The following ZNF148 variants were observed in gnomAD, a reference collection of about 807,000 sequenced individuals.
The protein encoded by ZNF148 is Beta-Enolase Repressor Factor-1.
ZNF148 carries 7 observed loss-of-function variants against 67.7 expected under a neutral mutation model. The ratio of observed to expected loss-of-function variants is 0.10; its 90% CI spans 0.06 to 0.19. The LOEUF (loss-of-function observed/expected upper bound fraction) is 0.19. Ranked by LOEUF, ZNF148 falls within the 10% of genes least tolerant of loss-of-function variation. ZNF148 has a pLI of 1.00. For missense variants in ZNF148, 583 were observed against 947.1 expected (o/e 0.62, Z 5.05); for synonymous variants, 333 against 330.7 (o/e 1.01, Z -0.08).
intron 2 of ZNF148, among the ~76,000 whole-genome samples, chr3:125,324,932 T>C (rs1036120606): frequency 6.6e-6 from 1 of 152,196 alleles, no homozygotes; most frequent in Non-Finnish European, 1.5e-5. Flanking sequence ...GATACACTTT[T>C]GTGCAAAGTA....
intron 4 of ZNF148, among the ~76,000 whole-genome samples, chr3:125,300,768 T>C (rs1307144539): frequency 7.6e-6 from 1 of 131,352 alleles, no homozygotes; most frequent in Non-Finnish European, 1.6e-5. Flanking sequence ...TACAAAGCAA[T>C]AGTTTTCTAG....
chr3:125,267,500 C>T (rs772942818), intron 7 of ZNF148, among the ~76,000 whole-genome samples: 3 of 152,074 alleles, frequency 2.0e-5, no homozygotes, highest in African/African-American at 4.8e-5. Flanking sequence ...TCAATAGACA[C>T]AGAAACAGCT....
chr3:125,316,988 G>C (rs1406551468), intron 3 of ZNF148, among the ~76,000 whole-genome samples: 1 of 152,192 alleles, frequency 6.6e-6, no homozygotes, highest in Non-Finnish European at 1.5e-5. Context: ...CTTGGAACAG[G>C]AAGAGAGCAC....
In ZNF148 at chr3:125,226,318, G is replaced by A. The variant is rs1014806488; in HGVS notation, c.*6023C>T. ...CATGATTTTTGCATATTTACCATTC[G>A]TTATTTGGTTCAGAATATTGTGAAA... On this transcript the variant is annotated 3_prime_UTR_variant, in exon 9 of 9. Transcript: ENST00000360647. 6.6e-5 allele frequency: 10 copies of A among 152,200 alleles called. No individual in the cohort carries two copies. Among genetic ancestry groups the A allele is most frequent in the South Asian group, 6.2e-4 (3 of 4,818 alleles). The allele number at this position is 152,200 out of a possible 1,614,324, so 9.4% of individuals were successfully genotyped here. A position where few individuals can be genotyped will look rare whatever the true frequency, so the allele number is the denominator to read the frequency against.
chr3:125,246,559 ATTAAT>A (rs1936608873), intron 7 of ZNF148, among the ~76,000 whole-genome samples: 1 of 152,204 alleles, frequency 6.6e-6, no homozygotes, highest in East Asian at 1.9e-4. Flanking sequence ...AAATGAGATA[ATTAAT>A]GTGAAGTAGG....
chr3:125,254,221 G>A (rs1321566358), intron 7 of ZNF148, among the ~76,000 whole-genome samples: 1 of 151,954 alleles, frequency 6.6e-6, no homozygotes, highest in Admixed American at 6.6e-5. Flanking sequence ...TCTAAGTGAT[G>A]TACACATTTA....
intron 1 of ZNF148, among the ~76,000 whole-genome samples, chr3:125,371,445 T>C (rs1450886786): frequency 1.4e-5 from 2 of 142,984 alleles, no homozygotes; most frequent in East Asian, 4.4e-4. Flanking sequence ...AGCGGACAGA[T>C]CATGAGGTCA....
At position 125,231,634 on chromosome 3, in the gene ZNF148, T is replaced by G. The variant is rs978085694; in HGVS notation, c.*707A>C. The G allele has an allele frequency of 2.0e-5, 3 of 152,548 alleles. No individual in the cohort carries two copies. The highest frequency in any genetic ancestry group is 4.4e-5 in the Non-Finnish European group (3 of 67,988). The allele number at this position is 152,548 out of a possible 1,614,324, so 9.4% of individuals were successfully genotyped here. On this transcript the variant is annotated 3_prime_UTR_variant, in exon 9 of 9. Transcript: ENST00000360647. ...ACTGACACCAATATGCATACTTCCA[T>G]AGAGAAGTGACTGCTTCAACAGTTG...
chr3:125,328,616 A>G (rs1195470839), intron 2 of ZNF148, among the ~76,000 whole-genome samples: 4 of 151,944 alleles, frequency 2.6e-5, no homozygotes, highest in Admixed American at 6.5e-5. Context: ...TTATACCCTC[A>G]TAAGTATATA....
intron 1 of ZNF148, among the ~76,000 whole-genome samples, chr3:125,331,587 A>T (rs1322222209): frequency 1.3e-5 from 2 of 152,196 alleles, no homozygotes; most frequent in African/African-American, 4.8e-5. Context: ...GTTTCACTAA[A>T]ATCATATTTT....
chr3:125,307,270 CAGA>C (rs967924328), intron 4 of ZNF148, among the ~76,000 whole-genome samples: 8 of 151,712 alleles, frequency 5.3e-5, no homozygotes, highest in East Asian at 3.9e-4. Context: ...TCAATCGATG[CAGA>C]AGAAGTACTT....
intron 4 of ZNF148, among the ~76,000 whole-genome samples, chr3:125,293,322 A>G (rs985810682): frequency 3.9e-5 from 6 of 152,236 alleles, no homozygotes; most frequent in Non-Finnish European, 8.8e-5. Context: ...CAATATAAAG[A>G]AATTACTATA....
intron 1 of ZNF148, among the ~76,000 whole-genome samples, chr3:125,365,849 A>C (rs1942686191): frequency 6.6e-6 from 1 of 152,152 alleles, no homozygotes; most frequent in Non-Finnish European, 1.5e-5. Flanking sequence ...ATAAATAAAT[A>C]GCATATTTCT....
Position 125,225,683 on chromosome 3 carries a change from ATTT to A in ZNF148, c.*6655_*6657del, listed in dbSNP as rs1488824725. 1 of 152,160 alleles carries A rather than the reference ATTT, an allele frequency of 6.6e-6. No homozygotes were observed. The highest frequency in any genetic ancestry group is 1.9e-4 in the East Asian group (1 of 5,204). The allele number at this position is 152,160 out of a possible 1,614,324, so 9.4% of individuals were successfully genotyped here. A position where few individuals can be genotyped will look rare whatever the true frequency, so the allele number is the denominator to read the frequency against. ...CAACACATTAATTCAAGTGACTTCA[ATTT>A]TTTATTTTTTCTTATAATCTTTAGA... On this transcript the variant is annotated 3_prime_UTR_variant, in exon 9 of 9. Coordinates refer to ENST00000360647, the MANE Select transcript of ZNF148 (RefSeq NM_021964.3).
At chr3:125,275,569 C>G (rs1454802723) in intron 7 of ZNF148, among the ~76,000 whole-genome samples, 2 of 152,110 alleles carry the variant, frequency 1.3e-5, no homozygotes, top group African/African-American at 4.8e-5. Flanking sequence ...TTCTTACTAC[C>G]TCCTCATCTA....
intron 4 of ZNF148, among the ~76,000 whole-genome samples, chr3:125,305,037 T>C (rs1051265410): frequency 2.0e-5 from 3 of 152,186 alleles, no homozygotes; most frequent in Non-Finnish European, 4.4e-5. Context: ...ATTAAAATAA[T>C]CACAGTAATA....
intron 8 of ZNF148, 96 bp from the exon 9 acceptor site, chr3:125,234,035 A>AT: frequency 7.1e-7 from 1 of 1,408,506 alleles, no homozygotes; most frequent in Non-Finnish European, 9.5e-7. Context: ...AGATATATTA[A>AT]TGCAATAACA....
In ZNF148 at chr3:125,229,595, G is replaced by A. The variant is rs759873697; in HGVS notation, c.*2746C>T. The A allele has an allele frequency of 6.6e-6, 1 of 152,134 alleles. No homozygotes were observed. Among genetic ancestry groups the A allele is most frequent in the Non-Finnish European group, 1.5e-5 (1 of 68,012 alleles). The allele number at this position is 152,134 out of a possible 1,614,324, so 9.4% of individuals were successfully genotyped here. On this transcript the variant is annotated 3_prime_UTR_variant, in exon 9 of 9. Transcript: ENST00000360647. Reference sequence around the variant, plus strand: ...TGTTTCCAATCTTCAAACGTGAGTAGGTCCCAAGAGGAAAAGCACACCTCA... The same window carrying A: ...TGTTTCCAATCTTCAAACGTGAGTAAGTCCCAAGAGGAAAAGCACACCTCA...
rs181788446 is a variant in ZNF148, at chr3:125,313,237, C to T, written c.333+71G>A. On this transcript the variant is annotated intron_variant, in intron 4 of 8. Coordinates refer to ENST00000360647, the MANE Select transcript of ZNF148 (RefSeq NM_021964.3). ...CCTGAAACATTTTCTGAAATTTCTTCGATGACTTGCAGTATTACGTAACAA... is the reference window on the plus strand; with the variant it reads ...CCTGAAACATTTTCTGAAATTTCTTTGATGACTTGCAGTATTACGTAACAA... 31 of 1,264,470 alleles carry T rather than the reference C, an allele frequency of 2.5e-5. No homozygotes were observed. In the East Asian group the frequency reaches 2.6e-4, roughly 11 times the overall value. 78.3% of individuals were successfully genotyped at this position (1,264,470 alleles called of 1,614,324 possible).
Sources: gnomAD v4.1 joint callset for allele counts (sites outside exome capture counted in the v4.1 genomes callset) on GRCh38, gnomAD v4.1.1 for gene constraint, MANE v1.5 for transcripts, NCBI Gene and HGNC (gene_info 2026-07-23, HGNC 2026-07-21) for gene names.